Variants in ADARB2 observed in about 807,000 individuals in gnomAD.
The protein encoded by ADARB2 is inactive double-stranded RNA-specific editase B2.
Under a neutral mutation model 62.2 loss-of-function variants are expected in ADARB2, and 25 were observed. The ratio of observed to expected loss-of-function variants is 0.40; its 90% CI spans 0.29 to 0.56. The LOEUF (loss-of-function observed/expected upper bound fraction) is 0.56, where lower values mean the gene tolerates loss of function less well. Among genes scored for constraint, ADARB2 ranks in the 20% least tolerant of loss-of-function variants. The probability of loss-of-function intolerance (pLI) is 0.43; values close to 1 mark genes in which losing one functional copy is unlikely to be tolerated. For synonymous variants in ADARB2, 572 were observed against 500.8 expected, an observed-to-expected ratio of 1.14 and a Z score of -1.90; for missense variants, 1,071 against 1,077.4, an observed-to-expected ratio of 0.99 and a Z score of 0.08.
chr10:1,372,247 G>A (rs1019780078), intron 2 of ADARB2, among the ~76,000 whole-genome samples: 1 of 152,202 alleles, frequency 6.6e-6, no homozygotes, highest in African/African-American at 2.4e-5. Flanking sequence ...ACTTATGAGT[G>A]GGGGCTAAAC....
intron 4 of ADARB2, among the ~76,000 whole-genome samples, chr10:1,260,317 G>A (rs1280889032): frequency 1.3e-5 from 2 of 152,278 alleles, no homozygotes; most frequent in Middle Eastern, 3.4e-3. Flanking sequence ...TCAGGCAGGA[G>A]AAGGAAATAA....
intron 1 of ADARB2, among the ~76,000 whole-genome samples, chr10:1,410,104 T>G (rs559643891): frequency 5.1e-4 from 71 of 139,226 alleles, no homozygotes; most frequent in African/African-American, 1.8e-3. Flanking sequence ...GTCATGGTGC[T>G]GAGGCCTGGC....
intron 1 of ADARB2, among the ~76,000 whole-genome samples, chr10:1,482,237 G>A (rs373351671): frequency 4.9e-4 from 75 of 152,270 alleles, no homozygotes; most frequent in African/African-American, 1.6e-3. Flanking sequence ...GTGGGTATAC[G>A]TCCCAGATAA....
intron 1 of ADARB2, among the ~76,000 whole-genome samples, chr10:1,609,737 C>T (rs1163316361): frequency 6.6e-6 from 1 of 152,260 alleles, no homozygotes; most frequent in Non-Finnish European, 1.5e-5. Context: ...TTAACCCACA[C>T]ACTGGGCTCT....
At chr10:1,347,925 CAG>C (rs1832095598) in intron 3 of ADARB2, among the ~76,000 whole-genome samples, 1 of 148,736 alleles carries the variant, frequency 6.7e-6, no homozygotes, top group Non-Finnish European at 1.5e-5. Flanking sequence ...GAGACAGACA[CAG>C]AGACAGAGAT....
chr10:1,721,893 C>A (rs140315348), intron 1 of ADARB2, among the ~76,000 whole-genome samples: 1 of 152,256 alleles, frequency 6.6e-6, no homozygotes, highest in African/African-American at 2.4e-5. Context: ...AGTTCAGCGG[C>A]ATGAGAGCAC....
At chr10:1,419,994 C>T (rs1176456504) in intron 1 of ADARB2, among the ~76,000 whole-genome samples, 3 of 152,224 alleles carry the variant, frequency 2.0e-5, no homozygotes, top group African/African-American at 7.2e-5. Context: ...AATCTATCAG[C>T]TATGCCCAGT....
intron 1 of ADARB2, among the ~76,000 whole-genome samples, chr10:1,580,915 TTC>T (rs777824245): frequency 2.6e-5 from 4 of 152,244 alleles, no homozygotes; most frequent in Admixed American, 6.5e-5. Context: ...GATCGCTCAT[TTC>T]TCTCTGTGCT....
chr10:1,676,137 G>A (rs1397665511), intron 1 of ADARB2: 6 of 783,134 alleles, frequency 7.7e-6, no homozygotes, highest in African/African-American at 3.8e-5. Context: ...TTTGGGTCTT[G>A]GCAAATGTGC....
At position 1,467,646 on chromosome 10, in the gene ADARB2, C is replaced by T. The variant is rs551316625; in HGVS notation, c.101-88486G>A. On this transcript the variant is annotated intron_variant, in intron 1 of 9. Coordinates refer to ENST00000381312, the MANE Select transcript of ADARB2 (RefSeq NM_018702.4). The stretch of plus-strand genomic sequence containing the variant: ...CAGCACACACGGACTATTAACTGGT[C>T]GACTTTGCTCCTGGGGGCGTGGAAG... Among the ~76,000 whole-genome samples the T allele has an allele frequency of 2.8e-4, 43 of 152,248 alleles. 2 individuals are homozygous for T. The highest frequency in any genetic ancestry group is 3.1e-4 in the African/African-American group (13 of 41,548).
At chr10:1,456,008 T>C (rs1831091026) in intron 1 of ADARB2, among the ~76,000 whole-genome samples, 1 of 152,240 alleles carries the variant, frequency 6.6e-6, no homozygotes, top group South Asian at 2.1e-4. Flanking sequence ...AAGTTTCACT[T>C]ATAATAGCAC....
At chr10:1,692,307 G>A (rs980577044) in intron 1 of ADARB2, among the ~76,000 whole-genome samples, 1 of 152,194 alleles carries the variant, frequency 6.6e-6, no homozygotes, top group Admixed American at 6.5e-5. Context: ...CCTTGTATTT[G>A]TTTAAATGCC....
intron 4 of ADARB2, among the ~76,000 whole-genome samples, chr10:1,244,354 C>T (rs889555284): frequency 2.6e-5 from 4 of 152,234 alleles, no homozygotes; most frequent in African/African-American, 9.6e-5. Context: ...TCAGTGTTCA[C>T]GACCGGTGCG....
At chr10:1,245,557 A>G (rs573594245) in intron 4 of ADARB2, among the ~76,000 whole-genome samples, 18 of 134,850 alleles carry the variant, frequency 1.3e-4, no homozygotes, top group African/African-American at 4.8e-4. Flanking sequence ...CTCATTCTTC[A>G]ATTCCCACCT....
Position 1,211,696 on chromosome 10 carries a change from TTTCAAGG to T in ADARB2, c.1682+5248_1682+5254del, listed in dbSNP as rs546369499. On this transcript the variant is annotated intron_variant, in intron 7 of 9. Coordinates refer to ENST00000381312, the MANE Select transcript of ADARB2 (RefSeq NM_018702.4). ...GTGTAAGCACCATCACTGTGGCCAA[TTTCAAGG>T]GCCCAGTGTGAGGTCACTGAGCAGG... 2.6e-3 allele frequency among the ~76,000 whole-genome samples: 393 copies of T among 152,278 alleles called. 1 individual carries two copies. The highest frequency in any genetic ancestry group is 8.6e-3 in the African/African-American group (358 of 41,548).
chr10:1,412,798 C>T (rs2387671), intron 1 of ADARB2, among the ~76,000 whole-genome samples: 4 of 152,048 alleles, frequency 2.6e-5, no homozygotes, highest in Admixed American at 6.5e-5. Flanking sequence ...TGCTTCTCTA[C>T]GTCTCAATTT....
intron 3 of ADARB2, among the ~76,000 whole-genome samples, chr10:1,314,831 G>C (rs558927656): frequency 1.6e-4 from 24 of 152,118 alleles, no homozygotes; most frequent in Non-Finnish European, 2.9e-4. Context: ...GCCTGCACCT[G>C]GGCTGCTCTG....
chr10:1,593,497 T>C (rs1833294544), intron 1 of ADARB2, among the ~76,000 whole-genome samples: 1 of 152,236 alleles, frequency 6.6e-6, no homozygotes, highest in South Asian at 2.1e-4. Flanking sequence ...AAACATCCTT[T>C]AGGTGACTGG....
At chr10:1,467,226 T>C (rs1831265498) in intron 1 of ADARB2, among the ~76,000 whole-genome samples, 1 of 152,216 alleles carries the variant, frequency 6.6e-6, no homozygotes, top group Non-Finnish European at 1.5e-5. Flanking sequence ...GGTTTAGCTC[T>C]TCTCTACCAA....
Sources: gnomAD v4.1 joint callset for allele counts (sites outside exome capture counted in the v4.1 genomes callset) on GRCh38, gnomAD v4.1.1 for gene constraint, MANE v1.5 for transcripts, NCBI Gene and HGNC (gene_info 2026-07-23, HGNC 2026-07-21) for gene names.